Variants in NELL1 observed in about 807,000 individuals in gnomAD.
NELL1 encodes the protein neural EGFL like 1, also known as protein kinase C-binding protein NELL1.
Under a neutral mutation model 107.4 loss-of-function variants are expected in NELL1, and 76 were observed. The ratio of observed to expected loss-of-function variants is 0.71; its 90% CI spans 0.59 to 0.86. The LOEUF is 0.86. Ranked by LOEUF, NELL1 falls within the 40% of genes least tolerant of loss-of-function variation. The probability of loss-of-function intolerance (pLI) is 0.00; values close to 1 mark genes in which losing one functional copy is unlikely to be tolerated. For synonymous variants in NELL1, 353 were observed against 341.2 expected (o/e 1.03, Z -0.38); for missense variants, 1,024 against 1,005.5 (o/e 1.02, Z -0.25).
chr11:21,485,472 C>T (rs1181916456), intron 15 of NELL1, among the ~76,000 whole-genome samples: 1 of 151,512 alleles, frequency 6.6e-6, no homozygotes, highest in Non-Finnish European at 1.5e-5. Flanking sequence ...ACTGTGTCCT[C>T]CACTGGGTTC....
intron 2 of NELL1, among the ~76,000 whole-genome samples, chr11:20,708,335 G>T (rs1855025383): frequency 6.6e-6 from 1 of 152,174 alleles, no homozygotes; most frequent in Non-Finnish European, 1.5e-5. Flanking sequence ...CACACTCCTT[G>T]GGTTGCACCC....
chr11:20,908,826 G>T (rs1360141047), intron 5 of NELL1, among the ~76,000 whole-genome samples: 1 of 152,128 alleles, frequency 6.6e-6, no homozygotes, highest in Non-Finnish European at 1.5e-5. Flanking sequence ...CCTCTCCTAG[G>T]TTTATAGGTA....
intron 15 of NELL1, among the ~76,000 whole-genome samples, chr11:21,424,258 A>G (rs1050027953): frequency 6.6e-6 from 1 of 152,330 alleles, no homozygotes; most frequent in Admixed American, 6.5e-5. Context: ...TCAAATTACT[A>G]AAATCAGAAT....
intron 13 of NELL1, among the ~76,000 whole-genome samples, chr11:21,211,367 A>T (rs1857493818): frequency 6.6e-6 from 1 of 152,138 alleles, no homozygotes; most frequent in South Asian, 2.1e-4. Flanking sequence ...TTGTGCTTGC[A>T]GCTTAGCAGA....
intron 4 of NELL1, among the ~76,000 whole-genome samples, chr11:20,884,491 G>C (rs1849468195): frequency 6.9e-6 from 1 of 144,872 alleles, no homozygotes; most frequent in South Asian, 2.3e-4. Flanking sequence ...AATCTTCTGA[G>C]CATCCAATGC....
chr11:21,575,124 T>C lies in NELL1; in HGVS notation c.*102T>C, dbSNP rs1245942142. 1 of 1,093,714 alleles carries C rather than the reference T, an allele frequency of 9.1e-7. No homozygotes were observed. The allele number at this position is 1,093,714 out of a possible 1,614,324, so 67.8% of individuals were successfully genotyped here. ...TTGGTTTTTTTGTTTGTTTTGTTTT[T>C]TTAACCACAGATAATTGCCAAAGTT... On this transcript the variant is annotated 3_prime_UTR_variant, in exon 20 of 20. Coordinates refer to ENST00000357134, the MANE Select transcript of NELL1 (RefSeq NM_006157.5).
At chr11:21,374,219 T>C (rs977438614) in intron 15 of NELL1, among the ~76,000 whole-genome samples, 1 of 152,100 alleles carries the variant, frequency 6.6e-6, no homozygotes, top group Non-Finnish European at 1.5e-5. Context: ...TATTATCTCA[T>C]AGTTTCTATG....
chr11:21,273,155 AAAAAAATTAGACGAATGGCTAACTAGAAT>A (rs1848776429), intron 14 of NELL1, among the ~76,000 whole-genome samples: 1 of 152,046 alleles, frequency 6.6e-6, no homozygotes. Flanking sequence ...AAAATCTTGA[AAAAAAATTAGACGAATGGCTAACTAGAAT>A]AACCAATACA....
At chr11:21,442,942 C>CTTTTTTT (rs66501874) in intron 15 of NELL1, among the ~76,000 whole-genome samples, 23 of 57,588 alleles carry the variant, frequency 4.0e-4, no homozygotes, top group East Asian at 1.0e-3. Context: ...GCTATCTTTC[C>CTTTTTTT]TTTTTTTTTT....
intron 14 of NELL1, among the ~76,000 whole-genome samples, chr11:21,363,547 T>C (rs961207743): frequency 2.0e-5 from 3 of 152,158 alleles, no homozygotes; most frequent in Non-Finnish European, 2.9e-5. Flanking sequence ...CAAAAGATCA[T>C]GGTGTGAGTC....
At chr11:20,845,661 C>T (rs1848690004) in intron 3 of NELL1, among the ~76,000 whole-genome samples, 1 of 152,074 alleles carries the variant, frequency 6.6e-6, no homozygotes, top group Non-Finnish European at 1.5e-5. Context: ...ATGAAATCTA[C>T]CTTAAAGAAA....
At chr11:20,720,505 C>A (rs1295108221) in intron 2 of NELL1, among the ~76,000 whole-genome samples, 1 of 152,136 alleles carries the variant, frequency 6.6e-6, no homozygotes, top group Non-Finnish European at 1.5e-5. Flanking sequence ...CTGTGCCCAG[C>A]CTCTTTTCTG....
chr11:21,132,635 C>A (rs1168084773), intron 13 of NELL1, among the ~76,000 whole-genome samples: 1 of 152,128 alleles, frequency 6.6e-6, no homozygotes, highest in Admixed American at 6.5e-5. Flanking sequence ...AAGGGGAATA[C>A]GTTGGTGCCC....
At chr11:21,171,092 G>T (rs1156931144) in intron 13 of NELL1, among the ~76,000 whole-genome samples, 2 of 151,656 alleles carry the variant, frequency 1.3e-5, no homozygotes, top group Non-Finnish European at 2.9e-5. Context: ...TTGCCTTACG[G>T]CTGTCCTCTA....
intron 15 of NELL1, among the ~76,000 whole-genome samples, chr11:21,452,327 T>A (rs567744042): frequency 6.6e-6 from 1 of 152,216 alleles, no homozygotes; most frequent in African/African-American, 2.4e-5. Flanking sequence ...TGCCCAGGTG[T>A]TTTGGTTGTG....
chr11:21,374,518 A>T (rs1851424854), intron 15 of NELL1, among the ~76,000 whole-genome samples: 1 of 152,058 alleles, frequency 6.6e-6, no homozygotes, highest in South Asian at 2.1e-4. Context: ...TGACTCAATC[A>T]AATGCTGTTC....
At chr11:21,077,772 T>C (rs1854174810) in intron 12 of NELL1, among the ~76,000 whole-genome samples, 1 of 151,152 alleles carries the variant, frequency 6.6e-6, no homozygotes, top group Non-Finnish European at 1.5e-5. Flanking sequence ...GAATTAAAAT[T>C]CCCATACTGT....
intron 3 of NELL1, among the ~76,000 whole-genome samples, chr11:20,841,309 C>A (rs11025781): frequency 0.029 from 4,376 of 151,370 alleles, 77 homozygotes; most frequent in Middle Eastern, 0.055. Context: ...TACACAGCAC[C>A]TCTGCTCATG....
intron 5 of NELL1, among the ~76,000 whole-genome samples, chr11:20,908,228 A>T (rs1850047426): frequency 6.6e-6 from 1 of 152,198 alleles, no homozygotes; most frequent in Admixed American, 6.5e-5. Context: ...ATATAAGTCA[A>T]TCTGCTGAAA....
Sources: gnomAD v4.1 joint callset for allele counts (sites outside exome capture counted in the v4.1 genomes callset) on GRCh38, gnomAD v4.1.1 for gene constraint, MANE v1.5 for transcripts, NCBI Gene and HGNC (gene_info 2026-07-23, HGNC 2026-07-21) for gene names.